Variants in CLCN1 observed in about 807,000 individuals in gnomAD.
The protein encoded by CLCN1 is chloride voltage-gated channel 1, also known as chloride channel protein 1.
Under a neutral mutation model 114.5 loss-of-function variants are expected in CLCN1, and 100 were observed. The ratio of observed to expected loss-of-function variants is 0.87; its 90% CI spans 0.74 to 1.03. CLCN1 has a LOEUF of 1.03. Among genes scored for constraint, CLCN1 ranks in the 50% least tolerant of loss-of-function variants. CLCN1 has a pLI of 0.00. For missense variants in CLCN1, 1,188 were observed against 1,250.0 expected (o/e 0.95, Z 0.75); for synonymous variants, 485 against 487.1 (o/e 1.00, Z 0.06).
At chr7:143,320,969 C>G (rs1802414313) in intron 3 of CLCN1, among the ~76,000 whole-genome samples, 174 bp downstream of exon 3, 1 of 152,134 alleles carries the variant, frequency 6.6e-6, no homozygotes, top group Non-Finnish European at 1.5e-5. Flanking sequence ...CAGGCCTGCT[C>G]CACTTCTCAC....
intron 5 of CLCN1, among the ~76,000 whole-genome samples, chr7:143,323,082 T>C (rs1016854128): frequency 1.3e-5 from 2 of 152,114 alleles, no homozygotes; most frequent in African/African-American, 4.8e-5. Flanking sequence ...TCTAAACACG[T>C]GCCCTCCCAC....
At position 143,351,673 on chromosome 7, in the gene CLCN1, C is replaced by A; in HGVS notation, c.2675C>A (p.Ser892Ter). ...CTTGCCAGCTTCCGGAACACGACTT[C>A]AACTCGAAAGAGTACCGGGGCACCT... ...PPLASFRNTT[S>*]TRKSTGAPPS... Residue 892 changes from serine (S) to a stop codon, truncating the protein, a stop_gained, in exon 23 of 23, where the codon TCA (serine) becomes TAA (stop). Transcript: ENST00000343257. LOFTEE classifies it high-confidence loss of function. 2 of 1,614,190 alleles carry A rather than the reference C, an allele frequency of 1.2e-6. No individual in the cohort carries two copies. The highest frequency in any genetic ancestry group is 2.2e-5 in the South Asian group (2 of 91,082).
chr7:143,347,349 G>T (rs1000064011), intron 20 of CLCN1, among the ~76,000 whole-genome samples: 1 of 152,124 alleles, frequency 6.6e-6, no homozygotes, highest in Non-Finnish European at 1.5e-5. Context: ...GGCCGGGCAT[G>T]GTGGCTCATG....
At position 143,318,160 on chromosome 7, in the gene CLCN1, T is replaced by G. The variant is rs566484505; in HGVS notation, c.181-1595T>G. Among the ~76,000 whole-genome samples the G allele has an allele frequency of 7.2e-5, 11 of 152,314 alleles. No homozygotes were observed. In the East Asian group the frequency reaches 1.9e-3, roughly 27 times the overall value. On this transcript the variant is annotated intron_variant, in intron 1 of 22. Coordinates refer to ENST00000343257, the MANE Select transcript of CLCN1 (RefSeq NM_000083.3). ...TATTTTGTCACTATTGTTCCATCTA[T>G]TCTTCCCTTCCCCACCCTCACCACT...
intron 6 of CLCN1, 54 bp downstream of exon 6, chr7:143,323,440 T>A (rs1478557073): frequency 7.8e-7 from 1 of 1,288,318 alleles, no homozygotes; most frequent in African/African-American, 1.5e-5. Context: ...GGAGTCCGGC[T>A]GTGTGTCCAG....
chr7:143,339,607 G>T lies in CLCN1; in HGVS notation c.1568G>T (p.Gly523Val), dbSNP rs1460714146. Reference protein sequence around the residue: ...DDIIYKILPGGYAVIGAAALT... With the variant: ...DDIIYKILPGVYAVIGAAALT... Reference sequence around the variant, plus strand: ...ATCATCTACAAGATCCTACCTGGGGGCTATGCAGTAATTGGTGAGAAACAT... The same window carrying T: ...ATCATCTACAAGATCCTACCTGGGGTCTATGCAGTAATTGGTGAGAAACAT... The change falls in exon 14 of 23, where the codon GGC (glycine) becomes GTC (valine). Residue 523 changes from glycine (G) to valine (V), a missense_variant. By Grantham distance (109) the Gly-to-Val change is moderately radical (BLOSUM62 -3). Coordinates refer to ENST00000343257, the MANE Select transcript of CLCN1 (RefSeq NM_000083.3). This position sits in a 1 kb window ranked among gnomAD's most constrained non-coding sequence, Gnocchi z 4.1. The T allele has an allele frequency of 3.1e-6, 5 of 1,604,530 alleles. No individual in the cohort carries two copies. The highest frequency in any genetic ancestry group is 4.3e-6 in the Non-Finnish European group (5 of 1,171,284).
At chr7:143,328,622 C>T (rs1802639342) in intron 7 of CLCN1, among the ~76,000 whole-genome samples, 1 of 152,184 alleles carries the variant, frequency 6.6e-6, no homozygotes, top group Non-Finnish European at 1.5e-5. Flanking sequence ...AGTTTACACC[C>T]AGGCAAATCA....
intron 12 of CLCN1, among the ~76,000 whole-genome samples, chr7:143,336,809 G>A (rs1235674318): frequency 6.6e-6 from 1 of 152,090 alleles, no homozygotes; most frequent in East Asian, 1.9e-4. Flanking sequence ...TAACTTCAAT[G>A]TCTTCTGATT....
At chr7:143,316,491 G>T in intron 1 of CLCN1, 99 bp downstream of exon 1, 4 of 1,132,598 alleles carry the variant, frequency 3.5e-6, no homozygotes, top group South Asian at 1.4e-5. Context: ...AGGGAGCAGT[G>T]TTACATTTTT....
chr7:143,320,164 C>CT (rs1178832631), intron 2 of CLCN1, among the ~76,000 whole-genome samples: 1 of 152,114 alleles, frequency 6.6e-6, no homozygotes, highest in African/African-American at 2.4e-5. Context: ...AATTTTAAAA[C>CT]TTTTTTTGTA....
At chr7:143,340,956 A>G (rs1803060044) in intron 14 of CLCN1, among the ~76,000 whole-genome samples, 1 of 152,226 alleles carries the variant, frequency 6.6e-6, no homozygotes, top group South Asian at 2.1e-4. Context: ...GTGGAGAAAC[A>G]ACCAAAAATT....
At chr7:143,320,560 TCTCTCTCTC>T in intron 2 of CLCN1, 95 bp from the exon 3 acceptor site, 1 of 936,614 alleles carries the variant, frequency 1.1e-6, no homozygotes, top group Non-Finnish European at 1.6e-6. Flanking sequence ...CTTTTCTCTC[TCTCTCTCTC>T]TCTCTCTCTC....
chr7:143,324,390 CTCTG>C lies in CLCN1; in HGVS notation c.775-16_775-13del. 2 of 1,587,634 alleles carry C rather than the reference CTCTG, an allele frequency of 1.3e-6. No individual in the cohort carries two copies. The highest frequency in any genetic ancestry group is 1.7e-6 in the Non-Finnish European group (2 of 1,156,260). ...CCACCTCCCTCTCTTCCACCTGTTTCTCTGTCTGTCTCTCCCCTAGTAGCAGCCA... is the reference window on the plus strand; with the variant it reads ...CCACCTCCCTCTCTTCCACCTGTTTCTCTGTCTCTCCCCTAGTAGCAGCCA... On this transcript the variant is annotated intron_variant, in intron 6 of 22. Transcript: ENST00000343257. The surrounding 1 kb of genome is among the most constrained non-coding windows in gnomAD (Gnocchi z 4.6).
chr7:143,331,477 C>T, intron 9 of CLCN1, 74 bp from the exon 10 acceptor site: 1 of 1,202,830 alleles, frequency 8.3e-7, no homozygotes, highest in Non-Finnish European at 1.2e-6. Flanking sequence ...GTATTTGTTT[C>T]CCTGCAGTAG....
intron 7 of CLCN1, among the ~76,000 whole-genome samples, chr7:143,329,777 G>A (rs751592067): frequency 1.3e-5 from 2 of 152,096 alleles, no homozygotes; most frequent in African/African-American, 2.4e-5. Context: ...CCTTTTCCTC[G>A]TTTTTGATAA....
intron 17 of CLCN1, 92 bp downstream of exon 17, chr7:143,345,854 C>G: frequency 1.3e-6 from 2 of 1,514,936 alleles, no homozygotes; most frequent in Admixed American, 4.0e-5. Flanking sequence ...CTGGGACAGG[C>G]GTAGTTTCCC....
At chr7:143,325,963 A>T (rs1802561989) in intron 7 of CLCN1, among the ~76,000 whole-genome samples, 1 of 152,218 alleles carries the variant, frequency 6.6e-6, no homozygotes, top group East Asian at 1.9e-4. Flanking sequence ...TGTTTGTATT[A>T]TGTGGTAAAT....
chr7:143,332,929 A>C, intron 12 of CLCN1, 56 bp downstream of exon 12: 1 of 1,591,990 alleles, frequency 6.3e-7, no homozygotes, highest in African/African-American at 1.3e-5. Flanking sequence ...CAATCTATGA[A>C]CCCAGGGTTT....
At chr7:143,317,057 C>T (rs562396726) in intron 1 of CLCN1, among the ~76,000 whole-genome samples, 3 of 152,158 alleles carry the variant, frequency 2.0e-5, no homozygotes, top group Admixed American at 1.3e-4. Flanking sequence ...AGCAGCCTCC[C>T]GCTGTGGGAT....
Sources: gnomAD v4.1 joint callset for allele counts (sites outside exome capture counted in the v4.1 genomes callset) on GRCh38, gnomAD v4.1.1 for gene constraint, Gnocchi (gnomAD v3.1) non-coding constraint, MANE v1.5 for transcripts, NCBI Gene and HGNC (gene_info 2026-07-23, HGNC 2026-07-21) for gene names.